Variants in EMID1 observed in about 807,000 individuals in gnomAD.
EMID1 encodes the protein EMI domain-containing protein 1.
In EMID1, 40 loss-of-function variants were observed where a neutral mutation model predicts 60.6. The ratio of observed to expected loss-of-function variants is 0.66; its 90% CI spans 0.51 to 0.86. The LOEUF (loss-of-function observed/expected upper bound fraction) is 0.86, where lower values mean the gene tolerates loss of function less well. Among genes scored for constraint, EMID1 ranks in the 40% least tolerant of loss-of-function variants. The pLI is 0.00. For synonymous variants in EMID1, 242 were observed against 231.0 expected (o/e 1.05, Z -0.43); for missense variants, 585 against 597.1 (o/e 0.98, Z 0.21).
At chr22:29,245,629 G>A (rs1335605492) in intron 13 of EMID1, among the ~76,000 whole-genome samples, 1 of 152,208 alleles carries the variant, frequency 6.6e-6, no homozygotes, top group African/African-American at 2.4e-5. Flanking sequence ...GTGCTGGCAA[G>A]GTCCCCGAGG....
In EMID1 at chr22:29,234,314, G is replaced by C; in HGVS notation, c.1039G>C (p.Gly347Arg). ...PGEKGERGLRGEPGPQGSAGQ... is the reference protein window; with the variant it reads ...PGEKGERGLRREPGPQGSAGQ... ...CCTCCCTCTTACACAGGGACTGCGT[G>C]GGGAGCCTGGCCCCCAAGGCTCTGC... The change falls in exon 12 of 15, where the codon GGG (glycine) becomes CGG (arginine). Residue 347 changes from glycine (G) to arginine (R), a missense_variant. Coordinates refer to ENST00000334018, the MANE Select transcript of EMID1 (RefSeq NM_133455.4). 1 of 1,614,112 alleles carries C rather than the reference G, an allele frequency of 6.2e-7. No individual in the cohort carries two copies. Among genetic ancestry groups the C allele is most frequent in the Non-Finnish European group, 8.5e-7 (1 of 1,180,016 alleles).
intron 3 of EMID1, among the ~76,000 whole-genome samples, chr22:29,221,890 C>A (rs1008071000): frequency 1.3e-5 from 2 of 152,100 alleles, no homozygotes; most frequent in Non-Finnish European, 2.9e-5. Flanking sequence ...TTTGTTATTT[C>A]TTTAAACTCT....
intron 5 of EMID1, among the ~76,000 whole-genome samples, chr22:29,227,009 TC>T: frequency 7.4e-6 from 1 of 134,950 alleles, no homozygotes. Context: ...CCAACCCCCA[TC>T]CATAATACTA....
rs533245964 is a variant in EMID1, at chr22:29,231,008, C to A, written c.466-12C>A. On this transcript the variant is annotated splice_polypyrimidine_tract_variant and intron_variant, in intron 5 of 14. Coordinates refer to ENST00000334018, the MANE Select transcript of EMID1 (RefSeq NM_133455.4). ...ACCCTGGTACCCACCCCGTCCCTGT[C>A]TTCCTCTTCAGATGACCATGCTGAC... is the stretch of plus-strand genomic sequence containing the variant. 3.7e-6 allele frequency: 6 copies of A among 1,611,330 alleles called. No homozygotes were observed. In the South Asian group the frequency reaches 6.6e-5, roughly 18 times the overall value.
intron 3 of EMID1, among the ~76,000 whole-genome samples, chr22:29,220,487 T>A (rs1306587106): frequency 3.2e-4 from 49 of 151,970 alleles, no homozygotes; most frequent in Non-Finnish European, 7.4e-5. Flanking sequence ...CAAAGTAAAT[T>A]CCTTGCAGGA....
chr22:29,230,251 TG>T (rs2040679553), intron 5 of EMID1, among the ~76,000 whole-genome samples: 1 of 151,936 alleles, frequency 6.6e-6, no homozygotes, highest in African/African-American at 2.4e-5. Context: ...GAGAATCACT[TG>T]AACCCGGGAG....
intron 12 of EMID1, among the ~76,000 whole-genome samples, chr22:29,238,828 G>A (rs1474118918): frequency 7.1e-6 from 1 of 141,836 alleles, no homozygotes; most frequent in Non-Finnish European, 1.5e-5. Flanking sequence ...AAAGTGCTGG[G>A]ATTACAGGTG....
intron 3 of EMID1, among the ~76,000 whole-genome samples, chr22:29,219,306 G>A (rs73882502): frequency 0.028 from 4,243 of 152,212 alleles, 176 homozygotes; most frequent in African/African-American, 0.097. Flanking sequence ...TAGAGAGGCC[G>A]GGGCTCCCTC....
chr22:29,254,018 G>A (rs929686049), intron 13 of EMID1, 185 bp from the exon 14 acceptor site: 29 of 985,374 alleles, frequency 2.9e-5, no homozygotes, highest in Non-Finnish European at 3.3e-5. Flanking sequence ...GCTTCCTTCC[G>A]TCTGCCTTGT....
In EMID1 at chr22:29,225,270, G is replaced by A. The variant is rs957380454; in HGVS notation, c.403+54G>A. On this transcript the variant is annotated intron_variant, in intron 4 of 14. Coordinates refer to ENST00000334018, the MANE Select transcript of EMID1 (RefSeq NM_133455.4). ...CCCCTGGGCTGAGGGAGCCCTGGAG[G>A]GGGCTCAGGGCAGTTTGGTAACTGT... is the stretch of plus-strand genomic sequence containing the variant. 5 of 1,584,682 alleles carry A rather than the reference G, an allele frequency of 3.2e-6. No homozygotes were observed. In the South Asian group the frequency reaches 4.4e-5, roughly 14 times the overall value.
intron 12 of EMID1, among the ~76,000 whole-genome samples, chr22:29,235,414 G>A (rs2040911049): frequency 6.7e-6 from 1 of 149,830 alleles, no homozygotes. Context: ...CAGTTTGACT[G>A]TTTAGTTAAT....
intron 3 of EMID1, among the ~76,000 whole-genome samples, chr22:29,219,205 G>A (rs1221803228): frequency 1.3e-5 from 2 of 152,158 alleles, no homozygotes; most frequent in Non-Finnish European, 2.9e-5. Context: ...AGTGCTGGCT[G>A]AGGATGTCCC....
chr22:29,255,351 CAT>C (rs1408931549), intron 14 of EMID1: 1 of 1,504,150 alleles, frequency 6.6e-7, no homozygotes, highest in East Asian at 2.5e-5. Context: ...TGGAAGCCAT[CAT>C]CTGGCCAGGT....
chr22:29,222,936 CA>C (rs2040354175), intron 3 of EMID1, among the ~76,000 whole-genome samples: 1 of 151,930 alleles, frequency 6.6e-6, no homozygotes, highest in African/African-American at 2.4e-5. Context: ...CTAAAAATAT[CA>C]AAAATTAGCT....
At chr22:29,210,957 AGTG>A (rs1568965807) in intron 1 of EMID1, among the ~76,000 whole-genome samples, 1 of 151,660 alleles carries the variant, frequency 6.6e-6, no homozygotes, top group African/African-American at 2.4e-5. Context: ...ACATGTGAGA[AGTG>A]TGTGTGTGTG....
intron 13 of EMID1, among the ~76,000 whole-genome samples, chr22:29,246,349 T>A (rs2146399423): frequency 6.6e-6 from 1 of 152,282 alleles, no homozygotes; most frequent in African/African-American, 2.4e-5. Flanking sequence ...AGCAGAGTGA[T>A]GCGGTCAGGT....
At chr22:29,238,347 T>C (rs949310749) in intron 12 of EMID1, among the ~76,000 whole-genome samples, 1 of 139,464 alleles carries the variant, frequency 7.2e-6, no homozygotes, top group Non-Finnish European at 1.5e-5. Flanking sequence ...TTGAGGCTTC[T>C]GGGCTCAAGG....
chr22:29,205,977 G>A lies in EMID1; in HGVS notation c.-62G>A, dbSNP rs1025684410. The A allele has an allele frequency of 8.5e-5, 88 of 1,036,450 alleles. No homozygotes were observed. The highest frequency in any genetic ancestry group is 8.9e-5 in the Non-Finnish European group (75 of 838,114). 64.2% of individuals were successfully genotyped at this position (1,036,450 alleles called of 1,614,324 possible). ...CGGCTGGCGGCGCGGGCAGGCAGGC[G>A]GGGAGGACAGGCTGGGGGCGGCGAC... On this transcript the variant is annotated 5_prime_UTR_variant, in exon 1 of 15. Transcript: ENST00000334018.
At chr22:29,224,879 T>C (rs1034770452) in intron 3 of EMID1, among the ~76,000 whole-genome samples, 10 of 152,310 alleles carry the variant, frequency 6.6e-5, no homozygotes, top group East Asian at 1.9e-4. Context: ...GTTGGGGTCA[T>C]TGGGGAAGCC....
Sources: allele counts gnomAD v4.1 joint callset (sites outside exome capture counted in the v4.1 genomes callset), GRCh38; gene constraint gnomAD v4.1.1; transcripts MANE v1.5; gene names NCBI Gene and HGNC (gene_info 2026-07-23, HGNC 2026-07-21).